POT1: variants seen among roughly 807,000 people sequenced by gnomAD.
The protein encoded by POT1 is protection of telomeres protein 1.
A neutral mutation model predicts 78.5 loss-of-function variants in POT1; 47 were observed. That is an observed-to-expected ratio of 0.60 (90% CI 0.47 to 0.76). The LOEUF (loss-of-function observed/expected upper bound fraction) is 0.76, where lower values mean the gene tolerates loss of function less well. Ranked by LOEUF, POT1 falls within the 30% of genes least tolerant of loss-of-function variation. The pLI is 0.00. For missense variants in POT1, 646 were observed against 749.9 expected, an observed-to-expected ratio of 0.86 and a Z score of 1.62; for synonymous variants, 259 against 260.7, an observed-to-expected ratio of 0.99 and a Z score of 0.06.
chr7:124,845,200 GTTC>G (rs1416351782), intron 12 of POT1, among the ~76,000 whole-genome samples: 1 of 152,136 alleles, frequency 6.6e-6, no homozygotes, highest in Non-Finnish European at 1.5e-5. Context: ...TCCTCAAAAT[GTTC>G]TTCTTAGCAT....
rs138063158 is a variant in POT1, at chr7:124,872,333, A to T, written c.125-1292T>A. 2.0e-4 allele frequency among the ~76,000 whole-genome samples: 30 copies of T among 152,322 alleles called. No individual in the cohort carries two copies. The East Asian group carries it at 5.6e-3, about 28-fold the overall frequency. On this transcript the variant is annotated intron_variant, in intron 6 of 18. Coordinates refer to ENST00000357628, the MANE Select transcript of POT1 (RefSeq NM_015450.3). ...CTGATTATTTACTTTTGATATACAT[A>T]GTAGTACTCCCTATCTGAAGTGTCA... is the stretch of plus-strand genomic sequence containing the variant.
At position 124,928,870 on chromosome 7, in the gene POT1, T is replaced by G; in HGVS notation, c.-282A>C. On this transcript the variant is annotated 5_prime_UTR_variant, in exon 2 of 19. Coordinates refer to ENST00000357628, the MANE Select transcript of POT1 (RefSeq NM_015450.3). ...TGGCTGTAGGGATCCGAAATCTACT[T>G]TATGTAATTTACTCAGCGGCTGAAC... 6.6e-6 allele frequency: 1 copy of G among 152,594 alleles called. No homozygotes were observed. The highest frequency in any genetic ancestry group is 1.9e-4 in the East Asian group (1 of 5,186). The allele number at this position is 152,594 out of a possible 1,614,324, so 9.5% of individuals were successfully genotyped here.
intron 3 of POT1, among the ~76,000 whole-genome samples, chr7:124,914,449 A>C (rs1417265281): frequency 6.6e-6 from 1 of 152,156 alleles, no homozygotes; most frequent in Admixed American, 6.5e-5. Context: ...TAACATATCA[A>C]GTCTTTCTAC....
intron 8 of POT1, among the ~76,000 whole-genome samples, chr7:124,859,400 C>T (rs1364899091): frequency 6.6e-6 from 1 of 152,026 alleles, no homozygotes; most frequent in African/African-American, 2.4e-5. Context: ...CCAAAATGAT[C>T]TTGAAAAACA....
At chr7:124,865,063 G>C (rs1795688091) in intron 7 of POT1, among the ~76,000 whole-genome samples, 1 of 152,022 alleles carries the variant, frequency 6.6e-6, no homozygotes, top group African/African-American at 2.4e-5. Flanking sequence ...CATTCCTGAA[G>C]AATGTATTTG....
intron 6 of POT1, among the ~76,000 whole-genome samples, chr7:124,883,268 G>A (rs944970292): frequency 3.9e-5 from 6 of 152,026 alleles, no homozygotes; most frequent in Admixed American, 1.3e-4. Context: ...TTTCACAAAT[G>A]AAGGTTCTAT....
At chr7:124,875,600 C>T (rs1203063261) in intron 6 of POT1, among the ~76,000 whole-genome samples, 1 of 152,166 alleles carries the variant, frequency 6.6e-6, no homozygotes, top group Non-Finnish European at 1.5e-5. Flanking sequence ...AAATGCAAAA[C>T]AGCAGCACTT....
At chr7:124,875,005 T>C (rs1302929140) in intron 6 of POT1, among the ~76,000 whole-genome samples, 3 of 151,978 alleles carry the variant, frequency 2.0e-5, no homozygotes, top group Admixed American at 1.3e-4. Context: ...AGTAAAAATA[T>C]ATTATATTCT....
chr7:124,879,608 G>T (rs1353737766), intron 6 of POT1, among the ~76,000 whole-genome samples: 2 of 152,116 alleles, frequency 1.3e-5, no homozygotes, highest in East Asian at 3.8e-4. Context: ...TGGAAGAGCA[G>T]GGGGCTACCG....
chr7:124,910,296 C>G (rs1796859852), intron 3 of POT1, among the ~76,000 whole-genome samples: 1 of 151,732 alleles, frequency 6.6e-6, no homozygotes, highest in Non-Finnish European at 1.5e-5. Flanking sequence ...GCAAGATTGT[C>G]AAGTCCATAA....
intron 17 of POT1, 117 bp from the exon 18 acceptor site, chr7:124,825,474 T>A: frequency 1.7e-6 from 1 of 578,572 alleles, no homozygotes; most frequent in Non-Finnish European, 2.8e-6. Context: ...AGTTTCCCTC[T>A]ATCAAGATTG....
At position 124,868,260 on chromosome 7, in the gene POT1, T is replaced by C. The variant is rs191687627; in HGVS notation, c.255+2651A>G. On this transcript the variant is annotated intron_variant, in intron 7 of 18. Coordinates refer to ENST00000357628, the MANE Select transcript of POT1 (RefSeq NM_015450.3). ...AGTGGAACTGTCAACATAAAGAGTG[T>C]AAGGAAGCACTACTAGCCGTAAATA... Among the ~76,000 whole-genome samples the C allele has an allele frequency of 5.6e-3, 849 of 152,202 alleles. 30 individuals are homozygous for C. The highest frequency in any genetic ancestry group is 0.052 in the Admixed American group (802 of 15,296).
chr7:124,825,409 T>C (rs767706956), intron 17 of POT1, 52 bp from the exon 18 acceptor site: 1 of 1,113,380 alleles, frequency 9.0e-7, no homozygotes, highest in Non-Finnish European at 1.3e-6. Context: ...TAATCCTTTT[T>C]AATGTTATTA....
At chr7:124,908,094 AC>A (rs1796807734) in intron 3 of POT1, among the ~76,000 whole-genome samples, 1 of 151,956 alleles carries the variant, frequency 6.6e-6, no homozygotes, top group Admixed American at 6.6e-5. Flanking sequence ...ATATAAAATA[AC>A]TGATAATCCA....
intron 2 of POT1, among the ~76,000 whole-genome samples, chr7:124,917,409 T>C (rs1374252233): frequency 2.0e-5 from 3 of 152,136 alleles, no homozygotes; most frequent in Admixed American, 6.6e-5. Flanking sequence ...AAGCCTCTAG[T>C]GCATTGAAGC....
At chr7:124,873,716 A>G (rs4463363) in intron 6 of POT1, among the ~76,000 whole-genome samples, 91,385 of 152,002 alleles carry the variant, frequency 0.6, 27,609 homozygotes, top group African/African-American at 0.65. Flanking sequence ...TGCTGCCTAT[A>G]TACATGATTC....
rs1298332254 is a variant in POT1 at position 124,829,361 on chromosome 7, A to C, written c.1506-19T>G. 7.0e-7 allele frequency: 1 copy of C among 1,426,948 alleles called. No homozygotes were observed. Among genetic ancestry groups the C allele is most frequent in the East Asian group, 2.3e-5 (1 of 43,850 alleles). 88.4% of individuals were successfully genotyped at this position (1,426,948 alleles called of 1,614,324 possible). ...TTTACATCTGAAATTTATAAAAGAAAGAACCATAAATATTTAAAAATAATT... is the reference window on the plus strand; with the variant it reads ...TTTACATCTGAAATTTATAAAAGAACGAACCATAAATATTTAAAAATAATT... On this transcript the variant is annotated intron_variant, in intron 15 of 18. Transcript: ENST00000357628.
In POT1 at chr7:124,841,072, A is replaced by C; in HGVS notation, c.1270T>G (p.Trp424Gly). 6.2e-7 allele frequency: 1 copy of C among 1,612,718 alleles called. No individual in the cohort carries two copies. Among genetic ancestry groups the C allele is most frequent in the Non-Finnish European group, 8.5e-7 (1 of 1,179,028 alleles). ...CGTCCTTTTTGATTTTTAGTGGTCC[A>C]GATTTTTGAATCATATAATGATGTA... ...QNTSLYDSKI[W>G]TTKNQKGRKV... The change falls in exon 14 of 19, where the codon TGG (tryptophan) becomes GGG (glycine). Residue 424 changes from tryptophan to glycine, a missense_variant. Physicochemically the swap from Trp to Gly is radical, Grantham distance 184 (BLOSUM62 -2). Coordinates refer to ENST00000357628, the MANE Select transcript of POT1 (RefSeq NM_015450.3).
chr7:124,837,418 A>G (rs1341355446), intron 14 of POT1, among the ~76,000 whole-genome samples: 1 of 151,870 alleles, frequency 6.6e-6, no homozygotes, highest in African/African-American at 2.4e-5. Flanking sequence ...TTTAAAATAT[A>G]GTGTTAATAA....
Sources: gnomAD v4.1 joint callset for allele counts (sites outside exome capture counted in the v4.1 genomes callset) on GRCh38, gnomAD v4.1.1 for gene constraint, MANE v1.5 for transcripts, NCBI Gene and HGNC (gene_info 2026-07-23, HGNC 2026-07-21) for gene names.